Variants in GPC5 observed in about 807,000 individuals in gnomAD.
GPC5 encodes glypican 5.
In GPC5, 47 loss-of-function variants were observed where a neutral mutation model predicts 53.9. That is an observed-to-expected ratio of 0.87 (90% confidence interval 0.69 to 1.11). GPC5 has a LOEUF of 1.11. Ranked by LOEUF, GPC5 falls within the 50% of genes most tolerant of loss-of-function variation. GPC5 has a pLI of 0.00. For synonymous variants in GPC5, 286 were observed against 263.3 expected (o/e 1.09, Z -0.84); for missense variants, 748 against 713.1 (o/e 1.05, Z -0.56).
intron 6 of GPC5, among the ~76,000 whole-genome samples, chr13:91,951,560 A>G (rs763172040): frequency 2.0e-5 from 3 of 152,188 alleles, no homozygotes; most frequent in Non-Finnish European, 4.4e-5. Context: ...CACCTTCTGA[A>G]TACCTAAATA....
chr13:91,557,319 T>C (rs565431714), intron 2 of GPC5, among the ~76,000 whole-genome samples: 1 of 152,160 alleles, frequency 6.6e-6, no homozygotes, highest in African/African-American at 2.4e-5. Context: ...TTGAACATCT[T>C]TTCATGTGCT....
intron 6 of GPC5, among the ~76,000 whole-genome samples, chr13:91,917,771 A>T (rs2039674251): frequency 6.6e-6 from 1 of 152,176 alleles, no homozygotes; most frequent in Admixed American, 6.5e-5. Flanking sequence ...TCCACATGAG[A>T]CCACCTCAGG....
chr13:92,235,321 T>C (rs1244317222), intron 7 of GPC5, among the ~76,000 whole-genome samples: 8 of 152,182 alleles, frequency 5.3e-5, no homozygotes, highest in Admixed American at 3.9e-4. Context: ...TCACTAATAC[T>C]GTATTTATTG....
rs143891692 is a variant in GPC5, at chr13:92,417,128, T to TA, written c.1561+272147dup. Among the ~76,000 whole-genome samples, 1,471 of 152,042 alleles carry TA rather than the reference T, an allele frequency of 9.7e-3. 16 individuals carry two copies. Among genetic ancestry groups the TA allele is most frequent in the Non-Finnish European group, 0.015 (1,037 of 67,970 alleles). ...ATATCACTTTTGCACCATAGTAAAA[T>TA]AAAAAAAATCATAAGTCAAACTGTA... On this transcript the variant is annotated intron_variant, in intron 7 of 7. Transcript: ENST00000377067.
chr13:92,751,743 TAAA>T lies in GPC5; in HGVS notation c.1562-114532_1562-114530del, dbSNP rs1206149253. 8.1e-5 allele frequency among the ~76,000 whole-genome samples: 9 copies of T among 110,894 alleles called. No individual in the cohort carries two copies. The East Asian group carries it at 5.2e-3, about 64-fold the overall frequency. 72.8% of individuals were successfully genotyped at this position (110,894 alleles called of 152,430 possible). On this transcript the variant is annotated intron_variant, in intron 7 of 7. Coordinates refer to ENST00000377067, the MANE Select transcript of GPC5 (RefSeq NM_004466.6). Reference sequence around the variant, plus strand: ...CACATGTACCCTAGAACTTAAAGTATAAAAAAAAATAAAAAATAAAAACACTTC... The same window carrying T: ...CACATGTACCCTAGAACTTAAAGTATAAAAAATAAAAAATAAAAACACTTC...
At chr13:92,530,266 T>C (rs933206159) in intron 7 of GPC5, among the ~76,000 whole-genome samples, 2 of 152,102 alleles carry the variant, frequency 1.3e-5, no homozygotes, top group Non-Finnish European at 2.9e-5. Flanking sequence ...AAGTGCTACT[T>C]TTTTCATCAC....
intron 6 of GPC5, among the ~76,000 whole-genome samples, chr13:92,066,557 G>A (rs563440301): frequency 3.0e-4 from 46 of 152,102 alleles, no homozygotes; most frequent in Non-Finnish European, 5.9e-4. Context: ...ATAGCAAAGC[G>A]CACATTATAT....
At chr13:91,974,697 A>C (rs141055439) in intron 6 of GPC5, among the ~76,000 whole-genome samples, 3,581 of 152,276 alleles carry the variant, frequency 0.024, 142 homozygotes, top group African/African-American at 0.082. Context: ...ATACTACCCA[A>C]GGTAATTTAT....
At chr13:91,698,172 C>T (rs572501131) in intron 3 of GPC5, among the ~76,000 whole-genome samples, 1 of 151,982 alleles carries the variant, frequency 6.6e-6, no homozygotes, top group East Asian at 1.9e-4. Flanking sequence ...AGGTCAGAAT[C>T]ATAATTTTCA....
intron 7 of GPC5, among the ~76,000 whole-genome samples, chr13:92,494,880 T>C (rs1219543604): frequency 6.6e-6 from 1 of 152,220 alleles, no homozygotes; most frequent in Non-Finnish European, 1.5e-5. Context: ...AAATCTATTA[T>C]TGTAGTTAAC....
chr13:92,321,177 G>A (rs1055011077), intron 7 of GPC5, among the ~76,000 whole-genome samples: 1 of 152,044 alleles, frequency 6.6e-6, no homozygotes, highest in African/African-American at 2.4e-5. Context: ...TTATTGGTTT[G>A]GTTACTGTTA....
rs544164610 is a variant in GPC5, at chr13:92,475,211, T to G, written c.1561+330222T>G. 1.1e-4 allele frequency among the ~76,000 whole-genome samples: 17 copies of G among 150,754 alleles called. No homozygotes were observed. In the East Asian group the frequency reaches 2.3e-3, roughly 21 times the overall value. On this transcript the variant is annotated intron_variant, in intron 7 of 7. Coordinates refer to ENST00000377067, the MANE Select transcript of GPC5 (RefSeq NM_004466.6). Reference sequence around the variant, plus strand: ...CTCTTTTTTGGTTCCATATGAACTTTAAAGTAGTTTTTTCCAATTCTGTGA... The same window carrying G: ...CTCTTTTTTGGTTCCATATGAACTTGAAAGTAGTTTTTTCCAATTCTGTGA...
intron 7 of GPC5, among the ~76,000 whole-genome samples, chr13:92,394,201 T>A (rs939864195): frequency 6.6e-6 from 1 of 152,194 alleles, no homozygotes; most frequent in Non-Finnish European, 1.5e-5. Flanking sequence ...AGTATATTAT[T>A]ATACTTATCT....
chr13:92,817,627 T>C (rs1420135418), intron 7 of GPC5, among the ~76,000 whole-genome samples: 1 of 152,010 alleles, frequency 6.6e-6, no homozygotes, highest in African/African-American at 2.4e-5. Flanking sequence ...TGAACTCTTC[T>C]AGTATTCATT....
intron 7 of GPC5, among the ~76,000 whole-genome samples, chr13:92,281,756 T>G (rs1221728090): frequency 6.6e-6 from 1 of 151,998 alleles, no homozygotes; most frequent in Non-Finnish European, 1.5e-5. Context: ...TACATCAACA[T>G]CAGCAACGAC....
chr13:91,460,921 C>A (rs569332894), intron 2 of GPC5, among the ~76,000 whole-genome samples: 3 of 152,134 alleles, frequency 2.0e-5, no homozygotes, highest in Non-Finnish European at 4.4e-5. Flanking sequence ...AACCATTTCT[C>A]AATGTAGCTG....
At chr13:92,618,503 A>G (rs1270198103) in intron 7 of GPC5, among the ~76,000 whole-genome samples, 1 of 152,064 alleles carries the variant, frequency 6.6e-6, no homozygotes, top group Non-Finnish European at 1.5e-5. Flanking sequence ...TTAAAAACAC[A>G]GTAAGATACA....
chr13:92,602,765 A>T (rs1159505099), intron 7 of GPC5, among the ~76,000 whole-genome samples: 2 of 152,188 alleles, frequency 1.3e-5, no homozygotes, highest in African/African-American at 4.8e-5. Flanking sequence ...GTTCAAAAGA[A>T]TTGCTGTGTT....
chr13:92,754,868 C>T (rs1350910769), intron 7 of GPC5, among the ~76,000 whole-genome samples: 1 of 146,070 alleles, frequency 6.8e-6, no homozygotes, highest in Non-Finnish European at 1.5e-5. Context: ...TAGACTCCCA[C>T]ACATTAATAA....
Sources: gnomAD v4.1 joint callset for allele counts (sites outside exome capture counted in the v4.1 genomes callset) on GRCh38, gnomAD v4.1.1 for gene constraint, MANE v1.5 for transcripts, NCBI Gene and HGNC (gene_info 2026-07-23, HGNC 2026-07-21) for gene names.